Variants in SUZ12 observed in about 807,000 individuals in gnomAD.
SUZ12 encodes polycomb protein SUZ12.
Under a neutral mutation model 87.3 loss-of-function variants are expected in SUZ12, and 17 were observed. The ratio of observed to expected loss-of-function variants is 0.19; its 90% CI spans 0.13 to 0.29. The LOEUF (loss-of-function observed/expected upper bound fraction) is 0.29. Among genes scored for constraint, SUZ12 ranks in the 10% least tolerant of loss-of-function variants. The pLI, the probability that SUZ12 is intolerant of heterozygous loss-of-function variation, is 1.00. For synonymous variants in SUZ12, 253 were observed against 312.4 expected (o/e 0.81, Z 2.01); for missense variants, 526 against 912.2 (o/e 0.58, Z 5.45).
chr17:31,951,544 G>A (rs932605355), intron 4 of SUZ12, among the ~76,000 whole-genome samples: 4 of 150,276 alleles, frequency 2.7e-5, no homozygotes, highest in African/African-American at 4.9e-5. Flanking sequence ...GTGCAGTGGC[G>A]CCATCTCAGC....
intron 3 of SUZ12, 133 bp downstream of exon 3, chr17:31,940,619 T>C (rs1407345988): frequency 5.0e-6 from 7 of 1,391,942 alleles, no homozygotes; most frequent in Non-Finnish European, 6.7e-6. Flanking sequence ...AGATGAAAAC[T>C]GAAGTGAGAG....
Position 31,947,666 on chromosome 17 carries a change from G to A in SUZ12, c.436G>A (p.Gly146Arg). ...GTTATCAAAAGTAGAGAAAATGAAA[G>A]GAGAGCAAGAATCTCATAGGTAAGA... is the stretch of plus-strand genomic sequence containing the variant. ...DMLSKVEKMKGEQESHSLSAH... is the reference protein window; with the variant it reads ...DMLSKVEKMKREQESHSLSAH... The change falls in exon 4 of 16, where the codon GGA (glycine) becomes AGA (arginine). Residue 146 changes from glycine (G) to arginine (R), a missense_variant. By Grantham distance (125) the Gly-to-Arg change is moderately radical. This residue lies in a region of SUZ12 where 49 missense variants were observed against 73.2 expected (regional missense o/e 0.67). Coordinates refer to ENST00000322652, the MANE Select transcript of SUZ12 (RefSeq NM_015355.4). The A allele has an allele frequency of 6.2e-7, 1 of 1,607,568 alleles. No homozygotes were observed. Among genetic ancestry groups the A allele is most frequent in the South Asian group, 1.1e-5 (1 of 90,552 alleles).
intron 3 of SUZ12, among the ~76,000 whole-genome samples, chr17:31,943,645 C>T (rs1288034575): frequency 6.6e-6 from 1 of 152,134 alleles, no homozygotes; most frequent in Admixed American, 6.6e-5. Context: ...CATAGTTTCC[C>T]CACCCTTGAT....
At chr17:31,951,766 G>A (rs777059530) in intron 4 of SUZ12, among the ~76,000 whole-genome samples, 169 of 145,090 alleles carry the variant, frequency 1.2e-3, no homozygotes, top group Non-Finnish European at 1.7e-3. Flanking sequence ...GTGAGCCACC[G>A]CGCCCAGCCT....
In SUZ12 at chr17:31,983,340, G is replaced by C. The variant is rs368684426; in HGVS notation, c.1023+236G>C. Among the ~76,000 whole-genome samples, 6 of 148,578 alleles carry C rather than the reference G, an allele frequency of 4.0e-5. No homozygotes were observed. In the East Asian group the frequency reaches 9.8e-4, roughly 24 times the overall value. On this transcript the variant is annotated intron_variant, in intron 9 of 15. Transcript: ENST00000322652. ...GCCCAGGCTGGAGTGCAGTGGCATG[G>C]TCTCGGCTCACTGCAACCTCCACCT...
intron 3 of SUZ12, among the ~76,000 whole-genome samples, chr17:31,941,102 T>C (rs1906249371): frequency 6.6e-6 from 1 of 152,058 alleles, no homozygotes. Flanking sequence ...GTTATTTCTC[T>C]TTTTTTGTTT....
At chr17:31,947,819 A>C in intron 4 of SUZ12, 134 bp downstream of exon 4, 2 of 883,924 alleles carry the variant, frequency 2.3e-6, no homozygotes, top group South Asian at 2.0e-5. Context: ...GTCCAAACTC[A>C]CACACAAGTC....
At chr17:31,951,622 G>C (rs1906985680) in intron 4 of SUZ12, among the ~76,000 whole-genome samples, 1 of 151,852 alleles carries the variant, frequency 6.6e-6, no homozygotes, top group African/African-American at 2.4e-5. Flanking sequence ...TGGGTCAGGT[G>C]CGTGCCACCA....
intron 4 of SUZ12, among the ~76,000 whole-genome samples, chr17:31,951,678 A>G (rs974161355): frequency 6.6e-6 from 1 of 150,994 alleles, no homozygotes; most frequent in African/African-American, 2.4e-5. Flanking sequence ...GGGTTTCACC[A>G]TGTTAGCCAG....
At chr17:31,977,625 T>C (rs2142182701) in intron 8 of SUZ12, among the ~76,000 whole-genome samples, 1 of 152,012 alleles carries the variant, frequency 6.6e-6, no homozygotes, top group African/African-American at 2.4e-5. Context: ...GCGCAGTGGC[T>C]CACGCCTGTA....
intron 15 of SUZ12, 38 bp downstream of exon 15, chr17:31,996,915 T>G: frequency 8.2e-7 from 1 of 1,215,372 alleles, no homozygotes; most frequent in Non-Finnish European, 1.1e-6. Context: ...ATTTTATTAT[T>G]CTTTATGGTC....
chr17:31,944,273 C>T lies in SUZ12; in HGVS notation c.387-3344C>T, dbSNP rs191761476. On this transcript the variant is annotated intron_variant, in intron 3 of 15. Coordinates refer to ENST00000322652, the MANE Select transcript of SUZ12 (RefSeq NM_015355.4). ...CCTCCCGAGTAGCTGGGATTACAGG[C>T]ATGCGCCACCATGCCTGGCTCATTT... Among the ~76,000 whole-genome samples, 426 of 152,020 alleles carry T rather than the reference C, an allele frequency of 2.8e-3. 2 individuals are homozygous for T. Among genetic ancestry groups the T allele is most frequent in the Admixed American group, 0.022 (339 of 15,246 alleles).
intron 4 of SUZ12, among the ~76,000 whole-genome samples, chr17:31,962,879 T>G (rs2142155609): frequency 6.6e-6 from 1 of 152,384 alleles, no homozygotes; most frequent in East Asian, 1.9e-4. Context: ...AGTATGTAGT[T>G]TTAATTGAAG....
chr17:31,944,597 TG>T (rs1383858142), intron 3 of SUZ12, among the ~76,000 whole-genome samples: 1 of 151,310 alleles, frequency 6.6e-6, no homozygotes, highest in Non-Finnish European at 1.5e-5. Context: ...AAAAAAAGTC[TG>T]GGGAATTTTT....
chr17:31,984,065 T>C (rs1278312629), intron 9 of SUZ12, among the ~76,000 whole-genome samples: 1 of 152,202 alleles, frequency 6.6e-6, no homozygotes, highest in Non-Finnish European at 1.5e-5. Context: ...TATTTAGTAA[T>C]ACTAAGGGAA....
At chr17:31,962,260 A>G (rs1337758210) in intron 4 of SUZ12, among the ~76,000 whole-genome samples, 1 of 151,914 alleles carries the variant, frequency 6.6e-6, no homozygotes, top group East Asian at 1.9e-4. Flanking sequence ...ACATAGCGAG[A>G]CCCTGTCTCT....
chr17:31,971,297 C>T (rs1908414086), intron 5 of SUZ12, among the ~76,000 whole-genome samples: 1 of 151,692 alleles, frequency 6.6e-6, no homozygotes, highest in Non-Finnish European at 1.5e-5. Context: ...TCTGTGCATT[C>T]ATAATGAAAC....
chr17:31,951,369 G>A (rs891301798), intron 4 of SUZ12, among the ~76,000 whole-genome samples: 1 of 152,048 alleles, frequency 6.6e-6, no homozygotes, highest in Non-Finnish European at 1.5e-5. Flanking sequence ...AAAAGAAGTT[G>A]GTGTTTCACG....
rs769296762 is a variant in SUZ12, at chr17:32,000,632, T to TA, written c.*1646dup. 5,691 of 202,260 alleles carry TA rather than the reference T, an allele frequency of 0.028. 34 individuals are homozygous for TA. Among genetic ancestry groups the TA allele is most frequent in the Admixed American group, 0.034 (514 of 14,928 alleles). 12.5% of individuals were successfully genotyped at this position (202,260 alleles called of 1,614,324 possible). A position where few individuals can be genotyped will look rare whatever the true frequency, so the allele number is the denominator to read the frequency against. On this transcript the variant is annotated 3_prime_UTR_variant, in exon 16 of 16. Transcript: ENST00000322652. ...AATTTGCTAAAGCTGTGCACATATG[T>TA]AAAAAAAAAAAAAAAAAGATTATTT...
Sources: allele counts gnomAD v4.1 joint callset (sites outside exome capture counted in the v4.1 genomes callset), GRCh38; gene constraint gnomAD v4.1.1; regional missense constraint gnomAD v4.1.1; transcripts MANE v1.5; gene names NCBI Gene and HGNC (gene_info 2026-07-23, HGNC 2026-07-21).